CELSR3: variants seen among roughly 807,000 people sequenced by gnomAD.
The protein encoded by CELSR3 is cadherin EGF LAG seven-pass G-type receptor 3.
A neutral mutation model predicts 270.0 loss-of-function variants in CELSR3; 73 were observed. That is an observed-to-expected ratio of 0.27 (90% CI 0.22 to 0.33). The LOEUF is 0.33. Among genes scored for constraint, CELSR3 ranks in the 10% least tolerant of loss-of-function variants. The probability of loss-of-function intolerance (pLI) is 1.00; values close to 1 mark genes in which losing one functional copy is unlikely to be tolerated. For synonymous variants in CELSR3, 1,780 were observed against 1,905.4 expected (o/e 0.93, Z 1.71); for missense variants, 3,614 against 4,533.8 (o/e 0.80, Z 5.83).
At position 48,639,997 on chromosome 3, in the gene CELSR3, C is replaced by T; in HGVS notation, c.9588G>A (p.Arg3196=). The T allele has an allele frequency of 6.2e-7, 1 of 1,612,566 alleles. No individual in the cohort carries two copies. Among genetic ancestry groups the T allele is most frequent in the East Asian group, 2.2e-5 (1 of 44,868 alleles). Reference sequence around the variant, plus strand: ...CCAGCTGCTCCCGAGAGTTCGAGCTCCTAGACAGAGAGTCCAGCGGCCGGG... The same window carrying T: ...CCAGCTGCTCCCGAGAGTTCGAGCTTCTAGACAGAGAGTCCAGCGGCCGGG... ...LPSRPLDSLS[R]SSNSREQLDQ... Residue 3196 remains arginine (R), a synonymous_variant, in exon 34 of 35, where the codon AGG becomes AGA. Coordinates refer to ENST00000164024, the MANE Select transcript of CELSR3 (RefSeq NM_001407.3). This position sits in a 1 kb window ranked among gnomAD's most constrained non-coding sequence, Gnocchi z 4.1.
Position 48,656,241 on chromosome 3 carries a change from G to C in CELSR3, c.4524C>G (p.Phe1508Leu). 1 of 1,534,598 alleles carries C rather than the reference G, an allele frequency of 6.5e-7. No individual in the cohort carries two copies. The highest frequency in any genetic ancestry group is 8.7e-7 in the Non-Finnish European group (1 of 1,146,230). Residue 1508 changes from phenylalanine to leucine, a missense_variant, in exon 3 of 35, where the codon TTC becomes TTG. Around this residue, in one of 7 missense-constraint regions of CELSR3, gnomAD observed 1,331 missense variants for 1,933.7 expected, o/e 0.69. Coordinates refer to ENST00000164024, the MANE Select transcript of CELSR3 (RefSeq NM_001407.3). ...CAGCCACCTCGCAGCGCGGGCCCTC[G>C]AAGGCGCCGCCTGCCGGGCACTGGC... Reference protein sequence around the residue: ...FRCQCPAGGAFEGPRCEVAAR... With the variant: ...FRCQCPAGGALEGPRCEVAAR...
Position 48,640,834 on chromosome 3 carries a change from G to A in CELSR3, c.9026-275C>T. Reference sequence around the variant, plus strand: ...GCAGGGGATGGGGCAAACTCCCTGAGGTCAGAAGAGGGGCAGCCCTCAGGT... The same window carrying A: ...GCAGGGGATGGGGCAAACTCCCTGAAGTCAGAAGAGGGGCAGCCCTCAGGT... On this transcript the variant is annotated intron_variant, in intron 33 of 34. Transcript: ENST00000164024. The surrounding 1 kb of genome is among the most constrained non-coding windows in gnomAD (Gnocchi z 7.5). 1 of 528,662 alleles carries A rather than the reference G, an allele frequency of 1.9e-6. No homozygotes were observed. The highest frequency in any genetic ancestry group is 3.1e-5 in the East Asian group (1 of 31,822). 32.7% of individuals were successfully genotyped at this position (528,662 alleles called of 1,614,324 possible).
At position 48,655,381 on chromosome 3, in the gene CELSR3, G is replaced by A. The variant is rs766191250; in HGVS notation, c.4755C>T (p.Thr1585=). Residue 1585 remains threonine (T), a synonymous_variant, in exon 5 of 35, where the codon ACC becomes ACT. Coordinates refer to ENST00000164024, the MANE Select transcript of CELSR3 (RefSeq NM_001407.3). The surrounding 1 kb of genome is among the most constrained non-coding windows in gnomAD (Gnocchi z 5.8). ...RLTYSTGESN[T]VVSPTVPGGL... ...CCCCTGGAACTGTGGGGCTGACCAC[G>A]GTGTTGGATTCACCTGGAGGGGAGA... 3.7e-6 allele frequency: 6 copies of A among 1,613,966 alleles called. No homozygotes were observed. Among genetic ancestry groups the A allele is most frequent in the Middle Eastern group, 1.6e-4 (1 of 6,084 alleles).
Position 48,660,107 on chromosome 3 carries a change from T to C in CELSR3, c.2528A>G (p.Tyr843Cys). Residue 843 changes from tyrosine to cysteine, a missense_variant, in exon 1 of 35, where the codon TAT becomes TGT. Physicochemically the swap from Tyr to Cys is radical, Grantham distance 194. Around this residue, in one of 7 missense-constraint regions of CELSR3, gnomAD observed 215 missense variants for 241.2 expected, o/e 0.89. Transcript: ENST00000164024. The surrounding 1 kb of genome is among the most constrained non-coding windows in gnomAD (Gnocchi z 5.5). ...GGCATCTGTGATGTTGATGTGCACA[T>C]AGCAGTGATCATGAAGGGCACGGTC... Reference protein sequence around the residue: ...ASDRALHDHCYVHINITDANT... With the variant: ...ASDRALHDHCCVHINITDANT... 2.5e-6 allele frequency: 4 copies of C among 1,614,168 alleles called. No homozygotes were observed. The highest frequency in any genetic ancestry group is 3.4e-6 in the Non-Finnish European group (4 of 1,180,026).
Position 48,642,087 on chromosome 3 carries a change from G to T in CELSR3, c.8666-78C>A, listed in dbSNP as rs1171487690. 7.2e-7 allele frequency: 1 copy of T among 1,385,898 alleles called. No individual in the cohort carries two copies. Among genetic ancestry groups the T allele is most frequent in the African/African-American group, 1.4e-5 (1 of 69,226 alleles). The allele number at this position is 1,385,898 out of a possible 1,614,324, so 85.9% of individuals were successfully genotyped here. A position where few individuals can be genotyped will look rare whatever the true frequency, so the allele number is the denominator to read the frequency against. ...GGGAATTTGGAGTTGAGGGTCTAGA[G>T]GTGGGTACGGCAAGGGGGTTAGGGT... is the stretch of plus-strand genomic sequence containing the variant. On this transcript the variant is annotated intron_variant, in intron 31 of 34. Coordinates refer to ENST00000164024, the MANE Select transcript of CELSR3 (RefSeq NM_001407.3). This position sits in a 1 kb window ranked among gnomAD's most constrained non-coding sequence, Gnocchi z 6.1.
At position 48,646,681 on chromosome 3, in the gene CELSR3, G is replaced by T; in HGVS notation, c.7295+82C>A. The T allele has an allele frequency of 7.2e-7, 1 of 1,384,072 alleles. No homozygotes were observed. The highest frequency in any genetic ancestry group is 9.9e-7 in the Non-Finnish European group (1 of 1,009,014). The allele number at this position is 1,384,072 out of a possible 1,614,324, so 85.7% of individuals were successfully genotyped here. On this transcript the variant is annotated intron_variant, in intron 21 of 34. Coordinates refer to ENST00000164024, the MANE Select transcript of CELSR3 (RefSeq NM_001407.3). The surrounding 1 kb of genome is among the most constrained non-coding windows in gnomAD (Gnocchi z 4.8). Reference sequence around the variant, plus strand: ...AGCTGTGCTCCTCTCTGTGTGTTGTGAACCTACGCATCTACCCACCAAAAA... The same window carrying T: ...AGCTGTGCTCCTCTCTGTGTGTTGTTAACCTACGCATCTACCCACCAAAAA...
At chr3:48,656,580 A>G in intron 2 of CELSR3, 118 bp downstream of exon 2, 1 of 1,328,464 alleles carries the variant, frequency 7.5e-7, no homozygotes, top group Non-Finnish European at 9.9e-7. Flanking sequence ...CTTCTGGCCT[A>G]AGCGCGTCCA....
Position 48,655,177 on chromosome 3 carries a change from C to A in CELSR3, c.4855G>T (p.Ala1619Ser). The A allele has an allele frequency of 6.2e-7, 1 of 1,613,896 alleles. No individual in the cohort carries two copies. The highest frequency in any genetic ancestry group is 1.1e-5 in the South Asian group (1 of 91,080). Residue 1619 changes from alanine (A) to serine (S), a missense_variant, in exon 6 of 35, where the codon GCA (alanine) becomes TCA (serine). Ala to Ser is a moderately conservative substitution (Grantham distance 99). Transcript: ENST00000164024. This position sits in a 1 kb window ranked among gnomAD's most constrained non-coding sequence, Gnocchi z 5.8. Reference sequence around the variant, plus strand: ...ACCTTGTCCTTGGAGGGGCCCTGTGCACCCCCTAGGGCATCTGTCCGGGGC... The same window carrying A: ...ACCTTGTCCTTGGAGGGGCCCTGTGAACCCCCTAGGGCATCTGTCCGGGGC... ...NKPRTDALGGAQGPSKDKVAV... is the reference protein window; with the variant it reads ...NKPRTDALGGSQGPSKDKVAV...
Position 48,639,969 on chromosome 3 carries a change from G to T in CELSR3, c.9616C>A (p.Gln3206Lys). 1 of 1,612,824 alleles carries T rather than the reference G, an allele frequency of 6.2e-7. No individual in the cohort carries two copies. Among genetic ancestry groups the T allele is most frequent in the Non-Finnish European group, 8.5e-7 (1 of 1,180,006 alleles). ...RSSNSREQLD[Q>K]VPSRHPSREA... ...CGTGAGGGGTGCCGGCTAGGCACCT[G>T]GTCCAGCTGCTCCCGAGAGTTCGAG... Residue 3206 changes from glutamine to lysine, a missense_variant, in exon 34 of 35, where the codon CAG becomes AAG. By Grantham distance (53) the Gln-to-Lys change is moderately conservative. Coordinates refer to ENST00000164024, the MANE Select transcript of CELSR3 (RefSeq NM_001407.3). The surrounding 1 kb of genome is among the most constrained non-coding windows in gnomAD (Gnocchi z 4.1).
intron 16 of CELSR3, among the ~76,000 whole-genome samples, chr3:48,649,680 C>T (rs2047119956): frequency 6.6e-6 from 1 of 152,070 alleles, no homozygotes; most frequent in African/African-American, 2.4e-5. Flanking sequence ...TTTTAACTGC[C>T]CCAGTGGTTA....
chr3:48,638,123 T>C lies in CELSR3; in HGVS notation c.*82A>G. ...TGGGGAGCAGGAGGCTGCCTTGGGA[T>C]CTGCCCCCACTCCTGGAGTCTCTCC... On this transcript the variant is annotated 3_prime_UTR_variant, in exon 35 of 35. Transcript: ENST00000164024. 1 of 1,282,290 alleles carries C rather than the reference T, an allele frequency of 7.8e-7. No individual in the cohort carries two copies. Among genetic ancestry groups the C allele is most frequent in the Non-Finnish European group, 1.1e-6 (1 of 880,282 alleles). The allele number at this position is 1,282,290 out of a possible 1,614,324, so 79.4% of individuals were successfully genotyped here. A position where few individuals can be genotyped will look rare whatever the true frequency, so the allele number is the denominator to read the frequency against.
rs1184797077 is a variant in CELSR3 at position 48,645,223 on chromosome 3, G to A, written c.7798-14C>T. On this transcript the variant is annotated splice_polypyrimidine_tract_variant and intron_variant, in intron 24 of 34. Coordinates refer to ENST00000164024, the MANE Select transcript of CELSR3 (RefSeq NM_001407.3). This position sits in a 1 kb window ranked among gnomAD's most constrained non-coding sequence, Gnocchi z 5.4. ...AGTGCACACCAGCTGAGGGCAGGGG[G>A]GCGTGTCAGGACCTCTCCTGCCTCA... 2 of 1,561,176 alleles carry A rather than the reference G, an allele frequency of 1.3e-6. No individual in the cohort carries two copies. Among genetic ancestry groups the A allele is most frequent in the African/African-American group, 1.3e-5 (1 of 74,108 alleles).
rs2046971207 is a variant in CELSR3, at chr3:48,636,717, A to T, written c.*1488T>A. 2 of 152,114 alleles carry T rather than the reference A, an allele frequency of 1.3e-5. No homozygotes were observed. The highest frequency in any genetic ancestry group is 6.5e-5 in the Admixed American group (1 of 15,286). The allele number at this position is 152,114 out of a possible 1,614,324, so 9.4% of individuals were successfully genotyped here. On this transcript the variant is annotated 3_prime_UTR_variant, in exon 35 of 35. Transcript: ENST00000164024. ...TCCAGTCAGGGAAGTAGAATTTCTA[A>T]TCTCCCAGGAAGCTGCTTCCCAAGA...
chr3:48,648,626 C>T lies in CELSR3; in HGVS notation c.6777+93G>A, dbSNP rs981359952. 5.4e-6 allele frequency: 8 copies of T among 1,472,084 alleles called. No homozygotes were observed. In the African/African-American group the frequency reaches 9.7e-5, roughly 18 times the overall value. The allele number at this position is 1,472,084 out of a possible 1,614,324, so 91.2% of individuals were successfully genotyped here. A position where few individuals can be genotyped will look rare whatever the true frequency, so the allele number is the denominator to read the frequency against. On this transcript the variant is annotated intron_variant, in intron 18 of 34. Transcript: ENST00000164024. ...GGGAGAGCCCAGGACCTTCACTTCC[C>T]AAGAGAACAGCAGGAGCCTGAGCTG... is the stretch of plus-strand genomic sequence containing the variant.
At position 48,651,902 on chromosome 3, in the gene CELSR3, C is replaced by G. The variant is rs749667450; in HGVS notation, c.5898G>C (p.Gln1966His). The change falls in exon 12 of 35, where the codon CAG (glutamine) becomes CAC (histidine). Residue 1966 changes from glutamine to histidine, a missense_variant. Gln to His is a conservative substitution (Grantham distance 24). Coordinates refer to ENST00000164024, the MANE Select transcript of CELSR3 (RefSeq NM_001407.3). This position sits in a 1 kb window ranked among gnomAD's most constrained non-coding sequence, Gnocchi z 7.4. ...PPHADCRDLW[Q>H]TFSCTCQPGY... ...CTGGCTGGCAGGTGCAAGAAAAGGT[C>G]TGCCAGAGGTCCCGGCAGTCTGCGT... is the stretch of plus-strand genomic sequence containing the variant. 1 of 1,612,452 alleles carries G rather than the reference C, an allele frequency of 6.2e-7. No individual in the cohort carries two copies. Among genetic ancestry groups the G allele is most frequent in the South Asian group, 1.1e-5 (1 of 90,968 alleles).
chr3:48,639,614 G>A lies in CELSR3; in HGVS notation c.9911+60C>T. 6.3e-7 allele frequency: 1 copy of A among 1,584,054 alleles called. No individual in the cohort carries two copies. The highest frequency in any genetic ancestry group is 8.6e-7 in the Non-Finnish European group (1 of 1,162,676). On this transcript the variant is annotated intron_variant, in intron 34 of 34. Coordinates refer to ENST00000164024, the MANE Select transcript of CELSR3 (RefSeq NM_001407.3). The surrounding 1 kb of genome is among the most constrained non-coding windows in gnomAD (Gnocchi z 4.1). ...CTTCTGTGGCAGAACACAGGGCAGG[G>A]CACACAGGAGGTTGCCCTAAGCTGA...
chr3:48,656,269 C>T lies in CELSR3; in HGVS notation c.4496G>A (p.Arg1499His), dbSNP rs2047180698. The T allele has an allele frequency of 6.5e-7, 1 of 1,532,880 alleles. No homozygotes were observed. The highest frequency in any genetic ancestry group is 8.7e-7 in the Non-Finnish European group (1 of 1,145,432). 95.0% of individuals were successfully genotyped at this position (1,532,880 alleles called of 1,614,324 possible). The change falls in exon 3 of 35, where the codon CGC becomes CAC. Residue 1499 changes from arginine (R) to histidine (H), a missense_variant. Around this residue, in one of 7 missense-constraint regions of CELSR3, gnomAD observed 1,331 missense variants for 1,933.7 expected, o/e 0.69. Coordinates refer to ENST00000164024, the MANE Select transcript of CELSR3 (RefSeq NM_001407.3). ...GGCGCCGCCTGCCGGGCACTGGCAG[C>T]GAAAGCCGCCGTTGGGCGCGTCGGT... ...TCTDAPNGGF[R>H]CQCPAGGAFE...
intron 27 of CELSR3, 38 bp from the exon 28 acceptor site, chr3:48,643,715 A>G: frequency 6.5e-7 from 1 of 1,549,586 alleles, no homozygotes; most frequent in Non-Finnish European, 8.7e-7. Flanking sequence ...GAGGACATGC[A>G]AGGCTCATGT....
chr3:48,640,104 G>A lies in CELSR3; in HGVS notation c.9481C>T (p.Arg3161Cys), dbSNP rs769254685. ...GGCTGTGGGTCAAGGTCCCGGGTGC[G>A]GCGGGGCGGAGGCAGCGTGCTCAAC... ...EWLSTLPPPR[R>C]TRDLDPQPPP... Residue 3161 changes from arginine to cysteine, a missense_variant, in exon 34 of 35, where the codon CGC becomes TGC. By Grantham distance (180) the Arg-to-Cys change is radical. This residue lies in a region of CELSR3 where 1,240 missense variants were observed against 1,351.7 expected (regional missense o/e 0.92). Transcript: ENST00000164024. This position sits in a 1 kb window ranked among gnomAD's most constrained non-coding sequence, Gnocchi z 7.5. The A allele has an allele frequency of 2.9e-5, 46 of 1,611,176 alleles. No homozygotes were observed. Among genetic ancestry groups the A allele is most frequent in the Admixed American group, 1.8e-4 (11 of 59,962 alleles).
Sources: gnomAD v4.1 joint callset for allele counts (sites outside exome capture counted in the v4.1 genomes callset) on GRCh38, gnomAD v4.1.1 for gene constraint, gnomAD v4.1.1 regional missense constraint, Gnocchi (gnomAD v3.1) non-coding constraint, MANE v1.5 for transcripts, NCBI Gene and HGNC (gene_info 2026-07-23, HGNC 2026-07-21) for gene names.